The following SPINK5 variants were observed in gnomAD, a reference collection of about 807,000 sequenced individuals.
The protein encoded by SPINK5 is serine protease inhibitor Kazal-type 5.
SPINK5 carries 125 observed loss-of-function variants against 151.8 expected under a neutral mutation model. The observed-to-expected ratio is 0.82, with a 90% CI of 0.71 to 0.96. The LOEUF (loss-of-function observed/expected upper bound fraction) is 0.96. Among genes scored for constraint, SPINK5 ranks in the 40% least tolerant of loss-of-function variants. SPINK5 has a pLI of 0.00. For synonymous variants in SPINK5, 374 were observed against 395.3 expected, an observed-to-expected ratio of 0.95 and a Z score of 0.64; for missense variants, 1,194 against 1,291.9, an observed-to-expected ratio of 0.92 and a Z score of 1.16.
At chr5:148,066,754 C>T (rs1013736214) in intron 2 of SPINK5, among the ~76,000 whole-genome samples, 3 of 152,014 alleles carry the variant, frequency 2.0e-5, no homozygotes, top group Admixed American at 1.3e-4. Flanking sequence ...TTTTCAGAGT[C>T]CGTGATGATG....
At chr5:148,135,285 T>C (rs923640976) in intron 32 of SPINK5, among the ~76,000 whole-genome samples, 1 of 152,204 alleles carries the variant, frequency 6.6e-6, no homozygotes, top group African/African-American at 2.4e-5. Context: ...CCTTTACATA[T>C]ATCTCAGGAG....
intron 2 of SPINK5, among the ~76,000 whole-genome samples, chr5:148,069,361 C>T (rs557585120): frequency 1.3e-5 from 2 of 151,924 alleles, no homozygotes; most frequent in East Asian, 1.9e-4. Context: ...TTCCCCTGTC[C>T]TCCTTAAACT....
intron 16 of SPINK5, among the ~76,000 whole-genome samples, chr5:148,105,783 ATTT>A (rs5872059): frequency 1.1e-4 from 14 of 130,542 alleles, no homozygotes; most frequent in Admixed American, 3.1e-4. Context: ...TGCCCAGCTA[ATTT>A]TTTTTTTTTT....
At chr5:148,081,994 C>T (rs1753033104) in intron 4 of SPINK5, among the ~76,000 whole-genome samples, 1 of 151,544 alleles carries the variant, frequency 6.6e-6, no homozygotes, top group Non-Finnish European at 1.5e-5. Context: ...TTATCTTATA[C>T]TTTTTCATAG....
chr5:148,073,826 A>T lies in SPINK5; in HGVS notation c.282+1606A>T, dbSNP rs1354662886. On this transcript the variant is annotated intron_variant, in intron 4 of 32. Transcript: ENST00000256084. The stretch of plus-strand genomic sequence containing the variant: ...TATTATGCCTGAGTCACACACACAC[A>T]CACACACACACACACACACACACAC... Among the ~76,000 whole-genome samples the T allele has an allele frequency of 2.9e-5, 4 of 140,052 alleles. No homozygotes were observed. In the East Asian group the frequency reaches 8.1e-4, roughly 28 times the overall value. 91.9% of individuals were successfully genotyped at this position (140,052 alleles called of 152,430 possible).
chr5:148,119,898 C>A, intron 24 of SPINK5, 111 bp from the exon 25 acceptor site: 1 of 1,254,478 alleles, frequency 8.0e-7, no homozygotes, highest in Non-Finnish European at 1.1e-6. Flanking sequence ...TTGCCTATCA[C>A]AGCAAGGTTA....
At chr5:148,116,303 A>C in intron 21 of SPINK5, 67 bp from the exon 22 acceptor site, 1 of 1,513,010 alleles carries the variant, frequency 6.6e-7, no homozygotes. Context: ...TATAATGAGA[A>C]ACTCAAAGAA....
intron 28 of SPINK5, chr5:148,125,467 G>A: frequency 6.7e-7 from 1 of 1,498,482 alleles, no homozygotes; most frequent in African/African-American, 1.4e-5. Flanking sequence ...GGATGAACGG[G>A]AGAAAAAAAC....
chr5:148,125,467 G>C, intron 28 of SPINK5: 1 of 1,498,482 alleles, frequency 6.7e-7, no homozygotes, highest in Non-Finnish European at 9.2e-7. Flanking sequence ...GGATGAACGG[G>C]AGAAAAAAAC....
At chr5:148,121,260 A>T (rs1025190989) in intron 26 of SPINK5, among the ~76,000 whole-genome samples, 1 of 151,966 alleles carries the variant, frequency 6.6e-6, no homozygotes, top group South Asian at 2.1e-4. Context: ...GGTCCTTATA[A>T]ATAGTATTCA....
chr5:148,089,635 T>G lies in SPINK5; in HGVS notation c.602+14T>G, dbSNP rs770503772. 1.8e-5 allele frequency: 29 copies of G among 1,611,362 alleles called. No individual in the cohort carries two copies. The highest frequency in any genetic ancestry group is 2.4e-5 in the Non-Finnish European group (28 of 1,178,284). On this transcript the variant is annotated intron_variant, in intron 7 of 32. Transcript: ENST00000256084. Reference sequence around the variant, plus strand: ...TGCTGAGCTGTTGTAAGTAGCATCATCCCCAGGTGGACTTGATGATGATGC... The same window carrying G: ...TGCTGAGCTGTTGTAAGTAGCATCAGCCCCAGGTGGACTTGATGATGATGC...
intron 23 of SPINK5, among the ~76,000 whole-genome samples, 156 bp from the exon 24 acceptor site, chr5:148,118,830 C>T (rs898191480): frequency 2.0e-5 from 3 of 152,182 alleles, no homozygotes; most frequent in Middle Eastern, 3.4e-3. Flanking sequence ...TTTATTGTGC[C>T]AGAATCCTAG....
chr5:148,131,292 CCCAGGATAGGT>C lies in SPINK5; in HGVS notation c.2999_3009del (p.Pro1000LeufsTer13). ...GATGTGCAAAGACTACCGAGTATTGCCCAGGATAGGTTATCTTTGTCCAAAGGATTTAAAGC... is the reference window on the plus strand; with the variant it reads ...GATGTGCAAAGACTACCGAGTATTGCTATCTTTGTCCAAAGGATTTAAAGC... On this transcript the variant is annotated frameshift_variant, in exon 31 of 33. Coordinates refer to ENST00000256084, the MANE Select transcript of SPINK5 (RefSeq NM_006846.4). LOFTEE classifies it high-confidence loss of function. 6.2e-7 allele frequency: 1 copy of C among 1,613,834 alleles called. No homozygotes were observed. Among genetic ancestry groups the C allele is most frequent in the South Asian group, 1.1e-5 (1 of 91,086 alleles).
chr5:148,068,554 C>CAAAAAAAAAAAA (rs1166912306), intron 2 of SPINK5, among the ~76,000 whole-genome samples: 48 of 89,168 alleles, frequency 5.4e-4, no homozygotes, highest in Non-Finnish European at 8.2e-4. Flanking sequence ...CCTGCCTCTC[C>CAAAAAAAAAAAA]AAAAAAAAAA....
chr5:148,100,413 A>C (rs769311166), intron 12 of SPINK5, 41 bp from the exon 13 acceptor site: 3 of 1,596,690 alleles, frequency 1.9e-6, no homozygotes, highest in Non-Finnish European at 2.6e-6. Flanking sequence ...CTTTAAGTAG[A>C]AATGAAATAT....
At position 148,095,975 on chromosome 5, in the gene SPINK5, C is replaced by T. The variant is rs1753448325; in HGVS notation, c.882+70C>T. 1.8e-5 allele frequency: 21 copies of T among 1,187,866 alleles called. No homozygotes were observed. The South Asian group carries it at 2.0e-4, about 11-fold the overall frequency. The allele number at this position is 1,187,866 out of a possible 1,614,324, so 73.6% of individuals were successfully genotyped here. A position where few individuals can be genotyped will look rare whatever the true frequency, so the allele number is the denominator to read the frequency against. On this transcript the variant is annotated intron_variant, in intron 10 of 32. Transcript: ENST00000256084. ...GGGGGGGTGCGTGTGTGAGAGAGTGCATATTACATAGTATGCACTTTCAAT... is the reference window on the plus strand; with the variant it reads ...GGGGGGGTGCGTGTGTGAGAGAGTGTATATTACATAGTATGCACTTTCAAT...
Position 148,098,065 on chromosome 5 carries a change from T to C in SPINK5, c.1010+71T>C. 2.1e-6 allele frequency: 3 copies of C among 1,441,166 alleles called. No homozygotes were observed. In the South Asian group the frequency reaches 3.5e-5, roughly 17 times the overall value. 89.3% of individuals were successfully genotyped at this position (1,441,166 alleles called of 1,614,324 possible). A position where few individuals can be genotyped will look rare whatever the true frequency, so the allele number is the denominator to read the frequency against. On this transcript the variant is annotated intron_variant, in intron 11 of 32. Transcript: ENST00000256084. ...GGTAATTTAATAGAAACAGCTTCTT[T>C]CATAGATGGGGAGACTGTGGCTCAA...
At chr5:148,111,410 C>T (rs1458396814) in intron 18 of SPINK5, among the ~76,000 whole-genome samples, 2 of 152,098 alleles carry the variant, frequency 1.3e-5, no homozygotes, top group African/African-American at 2.4e-5. Context: ...TGTAAGGCAG[C>T]ATATTCTCAG....
In SPINK5 at chr5:148,116,463, T is replaced by C; in HGVS notation, c.2109T>C (p.Thr703=). The C allele has an allele frequency of 6.2e-7, 1 of 1,614,050 alleles. No homozygotes were observed. The highest frequency in any genetic ancestry group is 8.5e-7 in the Non-Finnish European group (1 of 1,179,952). ...CCAGTGGTGGTGGAGGAGGAAACAC[T>C]CAGGTGAGAGCAACCTCTAATTTCA... ...HGSSGGGGGN[T]QDECAEYREQ... The change falls in exon 22 of 33, where the codon ACT becomes ACC. Residue 703 remains threonine (T), a synonymous_variant. Coordinates refer to ENST00000256084, the MANE Select transcript of SPINK5 (RefSeq NM_006846.4).
Sources: allele counts gnomAD v4.1 joint callset (sites outside exome capture counted in the v4.1 genomes callset), GRCh38; gene constraint gnomAD v4.1.1; transcripts MANE v1.5; gene names NCBI Gene and HGNC (gene_info 2026-07-23, HGNC 2026-07-21).